Variants in CLEC10A observed in about 807,000 individuals in gnomAD.
CLEC10A encodes the protein C-type lectin domain family 10 member A.
Under a neutral mutation model 42.0 loss-of-function variants are expected in CLEC10A, and 38 were observed. The ratio of observed to expected loss-of-function variants is 0.90; its 90% confidence interval spans 0.70 to 1.18. The LOEUF (loss-of-function observed/expected upper bound fraction) is 1.18. Ranked by LOEUF, CLEC10A falls within the 50% of genes most tolerant of loss-of-function variation. The probability of loss-of-function intolerance (pLI) is 0.00; values close to 1 mark genes in which losing one functional copy is unlikely to be tolerated. For synonymous variants in CLEC10A, 126 were observed against 139.9 expected (o/e 0.90, Z 0.70); for missense variants, 298 against 345.9 (o/e 0.86, Z 1.10).
In CLEC10A at chr17:7,077,007, G is replaced by A; in HGVS notation, c.185-20C>T. ...TGGAATCTAAACAGGTGGATGGGAAGGTCAGTGCTGGGATTCATCAGGTCC... is the reference window on the plus strand; with the variant it reads ...TGGAATCTAAACAGGTGGATGGGAAAGTCAGTGCTGGGATTCATCAGGTCC... On this transcript the variant is annotated intron_variant, in intron 3 of 8. Transcript: ENST00000416562. 2 of 1,549,186 alleles carry A rather than the reference G, an allele frequency of 1.3e-6. No individual in the cohort carries two copies. The highest frequency in any genetic ancestry group is 1.8e-6 in the Non-Finnish European group (2 of 1,121,130).
At chr17:7,079,826 A>T (rs574628935) in intron 1 of CLEC10A, among the ~76,000 whole-genome samples, 1 of 151,952 alleles carries the variant, frequency 6.6e-6, no homozygotes, top group East Asian at 2.0e-4. Context: ...CTCCTGCCTC[A>T]GCTCCCGGAG....
chr17:7,075,300 C>T (rs1911657309), intron 8 of CLEC10A, 60 bp downstream of exon 8: 1 of 1,507,458 alleles, frequency 6.6e-7, no homozygotes, highest in African/African-American at 1.4e-5. Flanking sequence ...GGCTGCCAGT[C>T]AGATCCCTGG....
intron 7 of CLEC10A, 80 bp downstream of exon 7, chr17:7,075,651 G>T: frequency 6.3e-7 from 1 of 1,599,896 alleles, no homozygotes. Flanking sequence ...GCTCCCAGAT[G>T]ATTCCAATGT....
intron 2 of CLEC10A, 86 bp downstream of exon 2, chr17:7,078,660 G>A (rs378149): frequency 0.073 from 93,728 of 1,284,878 alleles, 11,344 homozygotes; most frequent in African/African-American, 0.52. Flanking sequence ...CCACCAGTGC[G>A]CGTGGTGGAG....
At chr17:7,079,305 G>A (rs996563869) in intron 1 of CLEC10A, among the ~76,000 whole-genome samples, 7 of 152,202 alleles carry the variant, frequency 4.6e-5, no homozygotes, top group East Asian at 3.9e-4. Context: ...GGGGGCGACA[G>A]GTGCGGTGGC....
intron 7 of CLEC10A, 111 bp downstream of exon 7, chr17:7,075,620 C>T: frequency 6.5e-7 from 1 of 1,532,142 alleles, no homozygotes; most frequent in Non-Finnish European, 9.0e-7. Context: ...GGGTGTGGCA[C>T]AGATGACAGT....
chr17:7,077,451 T>C (rs552908300), intron 3 of CLEC10A, among the ~76,000 whole-genome samples: 44 of 110,400 alleles, frequency 4.0e-4, no homozygotes, highest in African/African-American at 1.5e-3. Context: ...GATCACTGCA[T>C]CAGTGCCCCC....
At chr17:7,078,189 G>T in intron 2 of CLEC10A, 76 bp from the exon 3 acceptor site, 2 of 1,123,018 alleles carry the variant, frequency 1.8e-6, no homozygotes, top group Non-Finnish European at 2.6e-6. Context: ...CCAGGGAGCT[G>T]TCTAGTGAGG....
Position 7,076,957 on chromosome 17 carries a change from A to G in CLEC10A, c.215T>C (p.Leu72Pro). Residue 72 changes from leucine to proline, a missense_variant, in exon 4 of 9, where the codon CTG (leucine) becomes CCG (proline). Coordinates refer to ENST00000416562, the MANE Select transcript of CLEC10A (RefSeq NM_001330070.2). ...NSKFQRDLVTLRTDFSNFTSN... is the reference protein window; with the variant it reads ...NSKFQRDLVTPRTDFSNFTSN... ...GGTGAAGTTGCTAAAATCTGTTCTCAGGGTCACCAGGTCCCTCTGAAATTT... is the reference window on the plus strand; with the variant it reads ...GGTGAAGTTGCTAAAATCTGTTCTCGGGGTCACCAGGTCCCTCTGAAATTT... 6.2e-7 allele frequency: 1 copy of G among 1,613,888 alleles called. No homozygotes were observed. Among genetic ancestry groups the G allele is most frequent in the South Asian group, 1.1e-5 (1 of 91,058 alleles).
chr17:7,076,090 G>T lies in CLEC10A; in HGVS notation c.353-19C>A. 6.2e-7 allele frequency: 1 copy of T among 1,614,088 alleles called. No homozygotes were observed. The highest frequency in any genetic ancestry group is 1.1e-5 in the South Asian group (1 of 91,074). ...GAATGAACTGGGACACACACAGATG[G>T]GCAGTGGGGACAGTGGCCTAGGTGT... On this transcript the variant is annotated intron_variant, in intron 5 of 8. Coordinates refer to ENST00000416562, the MANE Select transcript of CLEC10A (RefSeq NM_001330070.2).
chr17:7,078,331 C>A (rs1359985423), intron 2 of CLEC10A, among the ~76,000 whole-genome samples: 1 of 152,100 alleles, frequency 6.6e-6, no homozygotes, highest in Non-Finnish European at 1.5e-5. Context: ...CCTGGGGACC[C>A]ACGTGATAGC....
At chr17:7,076,094 G>C in intron 5 of CLEC10A, 23 bp from the exon 6 acceptor site, 1 of 1,614,156 alleles carries the variant, frequency 6.2e-7, no homozygotes, top group Non-Finnish European at 8.5e-7. Flanking sequence ...CAGATGGGCA[G>C]TGGGGACAGT....
At chr17:7,076,099 G>T (rs1022728931) in intron 5 of CLEC10A, 28 bp from the exon 6 acceptor site, 2 of 1,614,060 alleles carry the variant, frequency 1.2e-6, no homozygotes, top group Admixed American at 1.7e-5. Flanking sequence ...GGGCAGTGGG[G>T]ACAGTGGCCT....
chr17:7,076,878 C>G lies in CLEC10A; in HGVS notation c.280+14G>C. On this transcript the variant is annotated intron_variant, in intron 4 of 8. Coordinates refer to ENST00000416562, the MANE Select transcript of CLEC10A (RefSeq NM_001330070.2). ...CCTGGCCCCAGCCCAGAGCCCCATC[C>G]AAACCAGACTCACCCTGGGAAGTCA... The G allele has an allele frequency of 1.9e-6, 3 of 1,613,864 alleles. No homozygotes were observed. The highest frequency in any genetic ancestry group is 2.5e-6 in the Non-Finnish European group (3 of 1,179,842).
chr17:7,077,045 C>A (rs924475094), intron 3 of CLEC10A, 58 bp from the exon 4 acceptor site: 6 of 1,193,720 alleles, frequency 5.0e-6, no homozygotes, highest in Admixed American at 1.7e-5. Flanking sequence ...TGTACCAGCA[C>A]CGAGCAGGGC....
chr17:7,076,055 G>T lies in CLEC10A; in HGVS notation c.369C>A (p.Leu123=). The T allele has an allele frequency of 6.2e-7, 1 of 1,614,182 alleles. No individual in the cohort carries two copies. Among genetic ancestry groups the T allele is most frequent in the Non-Finnish European group, 8.5e-7 (1 of 1,180,044 alleles). The change falls in exon 6 of 9, where the codon CTC becomes CTA. Residue 123 remains leucine (L), a synonymous_variant. Coordinates refer to ENST00000416562, the MANE Select transcript of CLEC10A (RefSeq NM_001330070.2). ...CTTGCACCAGCTGCTGGACTCGCAG[G>T]AGCATTTCAGAATGAACTGGGACAC... ...QERQAVHSEM[L]LRVQQLVQDL...
chr17:7,078,490 A>T (rs917508636), intron 2 of CLEC10A: 1 of 544,188 alleles, frequency 1.8e-6, no homozygotes. Context: ...CCAACTACTT[A>T]TCTTTCCCTC....
rs1912013780 is a variant in CLEC10A at position 7,078,840 on chromosome 17, T to C, written c.-28A>G. 1.2e-6 allele frequency: 2 copies of C among 1,612,684 alleles called. No individual in the cohort carries two copies. Among genetic ancestry groups the C allele is most frequent in the African/African-American group, 1.3e-5 (1 of 74,878 alleles). Reference sequence around the variant, plus strand: ...TTGGGCCAACACGGCTCTGAGGTTGTCACAGCTGAAATGGAGGCAGGGCCG... The same window carrying C: ...TTGGGCCAACACGGCTCTGAGGTTGCCACAGCTGAAATGGAGGCAGGGCCG... On this transcript the variant is annotated 5_prime_UTR_variant, in exon 2 of 9. Coordinates refer to ENST00000416562, the MANE Select transcript of CLEC10A (RefSeq NM_001330070.2).
At chr17:7,078,374 CA>C in intron 2 of CLEC10A, 1 of 509,168 alleles carries the variant, frequency 2.0e-6, no homozygotes, top group Non-Finnish European at 3.5e-6. Context: ...GAGCTGGGGG[CA>C]GGGGCAGGAG....
Sources: allele counts gnomAD v4.1 joint callset (sites outside exome capture counted in the v4.1 genomes callset), GRCh38; gene constraint gnomAD v4.1.1; transcripts MANE v1.5; gene names NCBI Gene and HGNC (gene_info 2026-07-23, HGNC 2026-07-21).